Variants in ELL observed in about 807,000 individuals in gnomAD.
The protein encoded by ELL is RNA polymerase II elongation factor ELL.
In ELL, 18 loss-of-function variants were observed where a neutral mutation model predicts 64.0. The observed-to-expected ratio is 0.28, with a 90% confidence interval of 0.19 to 0.42. The LOEUF is 0.42. Among genes scored for constraint, ELL ranks in the 10% least tolerant of loss-of-function variants. The pLI is 1.00. For missense variants in ELL, 797 were observed against 870.4 expected, an observed-to-expected ratio of 0.92 and a Z score of 1.06; for synonymous variants, 399 against 376.2, an observed-to-expected ratio of 1.06 and a Z score of -0.70.
chr19:18,516,003 A>C lies in ELL; in HGVS notation c.135+5918T>G, dbSNP rs186386845. 3.9e-5 allele frequency among the ~76,000 whole-genome samples: 6 copies of C among 152,278 alleles called. No homozygotes were observed. The East Asian group carries it at 7.7e-4, about 20-fold the overall frequency. ...GCCCAGGGCCAACAGGGGCAGCACT[A>C]GCACTAGGTCTCTAAAGAAGGCCTT... On this transcript the variant is annotated intron_variant, in intron 1 of 11. Coordinates refer to ENST00000262809, the MANE Select transcript of ELL (RefSeq NM_006532.4).
At chr19:18,465,608 G>T (rs376401043) in intron 3 of ELL, 33 bp from the exon 4 acceptor site, 59 of 1,558,090 alleles carry the variant, frequency 3.8e-5, no homozygotes, top group Non-Finnish European at 5.0e-5. Context: ...GGGGTCAGCA[G>T]CTGGGACAAT....
At chr19:18,498,317 C>G (rs1267935648) in intron 1 of ELL, among the ~76,000 whole-genome samples, 1 of 152,148 alleles carries the variant, frequency 6.6e-6, no homozygotes, top group Non-Finnish European at 1.5e-5. Flanking sequence ...AAAACTATTT[C>G]TGACCTAAAA....
chr19:18,482,433 T>C (rs920832882), intron 1 of ELL, among the ~76,000 whole-genome samples: 2 of 147,012 alleles, frequency 1.4e-5, no homozygotes, highest in Non-Finnish European at 3.0e-5. Context: ...TTCTCCTGCC[T>C]CTGCCTCTGC....
rs1568396334 is a variant in ELL, at chr19:18,501,363, A to G, written c.135+20558T>C. ...AACACCAAATTAAGAGGAATCAAAA[A>G]CCCTGCTGAGCGAGAGAACGTGGGA... On this transcript the variant is annotated intron_variant, in intron 1 of 11. Transcript: ENST00000262809. The surrounding 1 kb of genome is among the most constrained non-coding windows in gnomAD (Gnocchi z 4.5). Among the ~76,000 whole-genome samples the G allele has an allele frequency of 6.6e-6, 1 of 152,002 alleles. No homozygotes were observed. The highest frequency in any genetic ancestry group is 1.5e-5 in the Non-Finnish European group (1 of 68,000).
chr19:18,470,143 C>T lies in ELL; in HGVS notation c.183+2692G>A, dbSNP rs112135170. Among the ~76,000 whole-genome samples, 1,224 of 152,360 alleles carry T rather than the reference C, an allele frequency of 8.0e-3. 16 individuals are homozygous for T. The highest frequency in any genetic ancestry group is 0.028 in the African/African-American group (1,144 of 41,578). Reference sequence around the variant, plus strand: ...ACCAGCCTGGCCAACATGGCAAAACCCTGTCTCTAGAAGGAGGTTAGCTGT... The same window carrying T: ...ACCAGCCTGGCCAACATGGCAAAACTCTGTCTCTAGAAGGAGGTTAGCTGT... On this transcript the variant is annotated intron_variant, in intron 2 of 11. Coordinates refer to ENST00000262809, the MANE Select transcript of ELL (RefSeq NM_006532.4).
At chr19:18,489,340 G>A (rs1000493802) in intron 1 of ELL, among the ~76,000 whole-genome samples, 5 of 152,192 alleles carry the variant, frequency 3.3e-5, no homozygotes, top group Non-Finnish European at 5.9e-5. Flanking sequence ...CCACTTGACC[G>A]CGGACAGATT....
At chr19:18,489,693 C>A (rs1975487048) in intron 1 of ELL, among the ~76,000 whole-genome samples, 1 of 152,206 alleles carries the variant, frequency 6.6e-6, no homozygotes, top group African/African-American at 2.4e-5. Context: ...ACCCCTGTGC[C>A]TACTGCAGTC....
chr19:18,472,339 C>T (rs2144929896), intron 2 of ELL: 1 of 153,772 alleles, frequency 6.5e-6, no homozygotes, highest in Non-Finnish European at 1.4e-5. Context: ...TGAAACTGAT[C>T]CACCTCAGAT....
chr19:18,466,040 C>T, intron 2 of ELL, 122 bp from the exon 3 acceptor site: 2 of 978,056 alleles, frequency 2.0e-6, no homozygotes, highest in Non-Finnish European at 2.6e-6. Flanking sequence ...GGCCCTTTTC[C>T]CTAAAACACA....
chr19:18,511,430 G>T (rs1212187746), intron 1 of ELL, among the ~76,000 whole-genome samples: 1 of 152,042 alleles, frequency 6.6e-6, no homozygotes, highest in African/African-American at 2.4e-5. Flanking sequence ...TCTACTTCTG[G>T]GTATGTATCC....
intron 10 of ELL, among the ~76,000 whole-genome samples, chr19:18,445,633 C>G (rs1010769228): frequency 6.6e-5 from 10 of 152,060 alleles, no homozygotes; most frequent in Non-Finnish European, 1.3e-4. Context: ...CCCTAGAACC[C>G]CATCATGAGT....
At chr19:18,468,967 A>G (rs149717620) in intron 2 of ELL, among the ~76,000 whole-genome samples, 2,078 of 152,298 alleles carry the variant, frequency 0.014, 18 homozygotes, top group African/African-American at 0.031. Context: ...GGGGCTTCAT[A>G]GTGGCCCTTC....
rs999710822 is a variant in ELL, at chr19:18,461,521, G to C, written c.744+57C>G. The C allele has an allele frequency of 4.5e-6, 7 of 1,547,602 alleles. No homozygotes were observed. In the Admixed American group the frequency reaches 8.7e-5, roughly 19 times the overall value. The stretch of plus-strand genomic sequence containing the variant: ...CTCCATGCTCTGGCCCATCCCACCC[G>C]CACAAGACCATCTGCGGAGACCACT... On this transcript the variant is annotated intron_variant, in intron 5 of 11. Transcript: ENST00000262809.
rs913931134 is a variant in ELL, at chr19:18,509,806, A to AC, written c.135+12114dup. On this transcript the variant is annotated intron_variant, in intron 1 of 11. Transcript: ENST00000262809. ...GGGCTAGGCCAAGGGCAGCAGCTGG[A>AC]CCCCCCCGCCCAGCCAGTGCCCCCC... is the stretch of plus-strand genomic sequence containing the variant. Among the ~76,000 whole-genome samples the AC allele has an allele frequency of 3.0e-4, 44 of 147,604 alleles. 1 individual carries two copies. The highest frequency in any genetic ancestry group is 3.4e-3 in the Middle Eastern group (1 of 292).
chr19:18,517,938 A>G (rs1158806717), intron 1 of ELL, among the ~76,000 whole-genome samples: 4 of 151,428 alleles, frequency 2.6e-5, no homozygotes, highest in African/African-American at 9.7e-5. Context: ...GAGAAAAACT[A>G]GGCCAGGCAC....
At position 18,450,942 on chromosome 19, in the gene ELL, G is replaced by C. The variant is rs1568376001; in HGVS notation, c.1000C>G (p.Leu334Val). 1.3e-6 allele frequency: 2 copies of C among 1,530,988 alleles called. No homozygotes were observed. The highest frequency in any genetic ancestry group is 2.8e-5 in the African/African-American group (2 of 72,170). 94.8% of individuals were successfully genotyped at this position (1,530,988 alleles called of 1,614,324 possible). Residue 334 changes from leucine (L) to valine (V), a missense_variant, in exon 8 of 12, where the codon CTA (leucine) becomes GTA (valine). By Grantham distance (32) the Leu-to-Val change is conservative (BLOSUM62 1). Transcript: ENST00000262809. ...RLQPPDFIDP[L>V]ANKKPRISHF... Reference sequence around the variant, plus strand: ...GATATCCGGGGTTTCTTGTTGGCTAGGGGGTCGATGAAATCAGGAGGCTGC... The same window carrying C: ...GATATCCGGGGTTTCTTGTTGGCTACGGGGTCGATGAAATCAGGAGGCTGC...
chr19:18,450,778 C>T lies in ELL; in HGVS notation c.1164G>A (p.Leu388=). The change falls in exon 8 of 12, where the codon CTG becomes CTA. Residue 388 remains leucine (L), a synonymous_variant. Transcript: ENST00000262809. The part of the protein sequence containing the change: ...LSSSTHLPPR[L]EPPRAHDPLA... ...GGGGGTCGTGGGCCCTCGGGGGCTCCAGCCGCGGGGGCAGGTGAGTGCTGG... is the reference window on the plus strand; with the variant it reads ...GGGGGTCGTGGGCCCTCGGGGGCTCTAGCCGCGGGGGCAGGTGAGTGCTGG... 2.5e-6 allele frequency: 4 copies of T among 1,579,152 alleles called. No homozygotes were observed. Among genetic ancestry groups the T allele is most frequent in the Non-Finnish European group, 3.4e-6 (4 of 1,162,716 alleles).
chr19:18,472,553 C>T (rs1600460666), intron 2 of ELL: 2 of 443,170 alleles, frequency 4.5e-6, no homozygotes, highest in East Asian at 7.2e-5. Context: ...TTGGGGGCCC[C>T]TGCCCTATCA....
In ELL at chr19:18,449,950, C is replaced by T. The variant is rs989347465; in HGVS notation, c.1465+527G>A. 3.3e-5 allele frequency among the ~76,000 whole-genome samples: 5 copies of T among 151,708 alleles called. No individual in the cohort carries two copies. The East Asian group carries it at 9.6e-4, about 29-fold the overall frequency. On this transcript the variant is annotated intron_variant, in intron 8 of 11. Transcript: ENST00000262809. The surrounding 1 kb of genome is among the most constrained non-coding windows in gnomAD (Gnocchi z 4.4). ...AGCCTGCCAGGCCCTGTCCCCACAG[C>T]AGAAACCTACAGTCCACAACAGTCG...
Sources: gnomAD v4.1 joint callset for allele counts (sites outside exome capture counted in the v4.1 genomes callset) on GRCh38, gnomAD v4.1.1 for gene constraint, Gnocchi (gnomAD v3.1) non-coding constraint, MANE v1.5 for transcripts, NCBI Gene and HGNC (gene_info 2026-07-23, HGNC 2026-07-21) for gene names.